SSX7: variants seen among roughly 807,000 people sequenced by gnomAD.
SSX7 encodes the protein protein SSX7.
A neutral mutation model predicts 14.7 loss-of-function variants in SSX7; 15 were observed. That is an observed-to-expected ratio of 1.02 (90% CI 0.68 to 1.58). SSX7 has a LOEUF of 1.58. Among genes scored for constraint, SSX7 ranks in the 40% most tolerant of loss-of-function variants. SSX7 has a pLI of 0.00. For missense variants in SSX7, 178 were observed against 146.8 expected (o/e 1.21, Z -1.10); for synonymous variants, 46 against 50.6 (o/e 0.91, Z 0.38).
rs376405141 is a variant in SSX7 at position 52,648,467 on chromosome X, G to A, written c.331-71C>T. 1.6e-4 allele frequency: 186 copies of A among 1,163,110 alleles called. 1 individual carries two copies. The African/African-American group carries it at 2.0e-3, about 12-fold the overall frequency. On this transcript the variant is annotated intron_variant, in intron 5 of 7. Transcript: ENST00000298181. The stretch of plus-strand genomic sequence containing the variant: ...TATAGTGCTTTAGAGCTTACAAAGC[G>A]TCTTCACATGCATTACCTTAATCAA...
intron 7 of SSX7, among the ~76,000 whole-genome samples, chrX:52,644,907 T>C (rs5986031): frequency 0.021 from 2,327 of 111,175 alleles, 30 homozygotes; most frequent in Middle Eastern, 0.092. Context: ...ACAGGGCTGA[T>C]CTGGAGTTCG....
chrX:52,651,549 TAG>T (rs1431553939), intron 4 of SSX7, among the ~76,000 whole-genome samples: 2 of 111,633 alleles, frequency 1.8e-5, no homozygotes, highest in African/African-American at 6.5e-5. Context: ...ACAGCTATGC[TAG>T]GTTTGATTTA....
intron 5 of SSX7, among the ~76,000 whole-genome samples, chrX:52,648,983 T>C (rs782748593): frequency 4.5e-5 from 5 of 111,852 alleles, no homozygotes; most frequent in South Asian, 3.8e-4. Context: ...CCCATACCAA[T>C]TCTGGTTGCA....
At chrX:52,648,154 C>T in intron 6 of SSX7, 107 bp downstream of exon 6, 2 of 1,088,455 alleles carry the variant, frequency 1.8e-6, no homozygotes, top group African/African-American at 3.7e-5. Flanking sequence ...GCTCCTCAGC[C>T]CAGCCTGGAC....
intron 1 of SSX7, 62 bp from the exon 2 acceptor site, chrX:52,653,554 A>G: frequency 8.5e-7 from 1 of 1,179,700 alleles, no homozygotes. Context: ...GGAGGGAGAA[A>G]TCAGTGAAGG....
chrX:52,652,410 A>G, intron 3 of SSX7, 63 bp from the exon 4 acceptor site: 1 of 845,309 alleles, frequency 1.2e-6, no homozygotes, highest in Middle Eastern at 2.8e-4. Flanking sequence ...GGTGGCTCAT[A>G]TCTGTAGTAC....
chrX:52,652,382 C>G lies in SSX7; in HGVS notation c.185-35G>C, dbSNP rs1556767147. ...AGCAAAATGTTTATTCCTTAAGAGA[C>G]AAGCTTTGACCTGTCACGGTGGCTC... is the stretch of plus-strand genomic sequence containing the variant. On this transcript the variant is annotated intron_variant, in intron 3 of 7. Transcript: ENST00000298181. 2.9e-6 allele frequency: 3 copies of G among 1,041,975 alleles called. No homozygotes were observed. In the Admixed American group the frequency reaches 6.6e-5, roughly 23 times the overall value. 85.9% of individuals were successfully genotyped at this position (1,041,975 alleles called of 1,213,427 possible).
At position 52,645,602 on chromosome X, in the gene SSX7, G is replaced by C. The variant is rs1925219459; in HGVS notation, c.467-59C>G. On this transcript the variant is annotated intron_variant, in intron 6 of 7. Coordinates refer to ENST00000298181, the MANE Select transcript of SSX7 (RefSeq NM_173358.2). ...GGTAGGTTGGAGAGTGTTAGGCTCTGTTTTCTCAAAAAAAGGAGATGCCTC... is the reference window on the plus strand; with the variant it reads ...GGTAGGTTGGAGAGTGTTAGGCTCTCTTTTCTCAAAAAAAGGAGATGCCTC... 4 of 1,012,777 alleles carry C rather than the reference G, an allele frequency of 3.9e-6. No individual in the cohort carries two copies. In the East Asian group the frequency reaches 1.2e-4, roughly 31 times the overall value. The allele number at this position is 1,012,777 out of a possible 1,213,427, so 83.5% of individuals were successfully genotyped here. A position where few individuals can be genotyped will look rare whatever the true frequency, so the allele number is the denominator to read the frequency against.
chrX:52,652,395 G>A (rs374368737), intron 3 of SSX7, 48 bp from the exon 4 acceptor site: 2 of 964,926 alleles, frequency 2.1e-6, no homozygotes, highest in Non-Finnish European at 3.0e-6. Context: ...GCTTTGACCT[G>A]TCACGGTGGC....
Position 52,644,178 on chromosome X carries a change from G to A in SSX7, c.*497C>T, listed in dbSNP as rs1925161655. 1 of 123,312 alleles carries A rather than the reference G, an allele frequency of 8.1e-6. No individual in the cohort carries two copies. The highest frequency in any genetic ancestry group is 1.2e-4 in the South Asian group (1 of 8,550). The allele number at this position is 123,312 out of a possible 1,213,427, so 10.2% of individuals were successfully genotyped here. On this transcript the variant is annotated 3_prime_UTR_variant, in exon 8 of 8. Transcript: ENST00000298181. ...GCTTGACCAGGACTCATGGCAATGG[G>A]GAAAAGCATATGGGAGATGCTTATA... is the stretch of plus-strand genomic sequence containing the variant.
chrX:52,649,600 G>A (rs137986601), intron 5 of SSX7, among the ~76,000 whole-genome samples: 4 of 111,660 alleles, frequency 3.6e-5, no homozygotes, highest in Non-Finnish European at 7.5e-5. Flanking sequence ...TGGGATGGGG[G>A]CTTCTGGGAT....
chrX:52,650,396 C>G lies in SSX7; in HGVS notation c.287G>C (p.Arg96Pro). ...NDRNQGNQVE[R>P]PQMTFCRLQR... is the part of the protein sequence containing the mutation. ...GAGCCTGCAAAAAGTCATCTGAGGA[C>G]GTTCAACTGAAAGAGAATATATCAG... is the stretch of plus-strand genomic sequence containing the variant. The change falls in exon 5 of 8, where the codon CGT becomes CCT. Residue 96 changes from arginine (R) to proline (P), a missense_variant. Physicochemically the swap from Arg to Pro is moderately radical, Grantham distance 103. Coordinates refer to ENST00000298181, the MANE Select transcript of SSX7 (RefSeq NM_173358.2). The G allele has an allele frequency of 8.3e-7, 1 of 1,209,260 alleles. No homozygotes were observed. The highest frequency in any genetic ancestry group is 1.1e-6 in the Non-Finnish European group (1 of 893,743).
At chrX:52,650,070 A>T (rs1396060239) in intron 5 of SSX7, among the ~76,000 whole-genome samples, 4 of 112,068 alleles carry the variant, frequency 3.6e-5, no homozygotes, top group Non-Finnish European at 7.5e-5. Flanking sequence ...TATTATTTGG[A>T]GATAATAATA....
chrX:52,650,036 C>T (rs782281554), intron 5 of SSX7, among the ~76,000 whole-genome samples: 10 of 112,212 alleles, frequency 8.9e-5, no homozygotes, highest in South Asian at 7.5e-4. Flanking sequence ...TTTATATGGA[C>T]GACAACCGAA....
rs782810039 is a variant in SSX7 at position 52,646,215 on chromosome X, C to T, written c.467-672G>A. Among the ~76,000 whole-genome samples, 41 of 111,483 alleles carry T rather than the reference C, an allele frequency of 3.7e-4. 1 individual carries two copies. Among genetic ancestry groups the T allele is most frequent in the East Asian group, 8.5e-4 (3 of 3,532 alleles). ...AGTAGCTGGGACTACAGGAGCATGT[C>T]ACCACGCCTGGCTAATATTTTGTAT... On this transcript the variant is annotated intron_variant, in intron 6 of 7. Transcript: ENST00000298181.
chrX:52,644,976 A>T (rs1339877296), intron 7 of SSX7, among the ~76,000 whole-genome samples: 1 of 111,294 alleles, frequency 9.0e-6, no homozygotes, highest in Non-Finnish European at 1.9e-5. Flanking sequence ...GGGAGTAAAA[A>T]GAGCTTACGA....
chrX:52,649,567 G>A (rs1252418007), intron 5 of SSX7, among the ~76,000 whole-genome samples: 2 of 111,670 alleles, frequency 1.8e-5, no homozygotes, highest in Non-Finnish European at 3.8e-5. Flanking sequence ...CTCATTCAGG[G>A]GCCTCCGAGG....
intron 3 of SSX7, 24 bp from the exon 4 acceptor site, chrX:52,652,371 T>A (rs1925463302): frequency 9.2e-7 from 1 of 1,092,283 alleles, no homozygotes; most frequent in Non-Finnish European, 1.3e-6. Flanking sequence ...AAATGTTTAT[T>A]CCTTAAGAGA....
At chrX:52,644,930 A>G (rs1468037991) in intron 7 of SSX7, among the ~76,000 whole-genome samples, 4 of 111,286 alleles carry the variant, frequency 3.6e-5, no homozygotes, top group Non-Finnish European at 7.5e-5. Flanking sequence ...AACCCACAGC[A>G]TCCTGGGTAG....
Sources: allele counts gnomAD v4.1 joint callset (sites outside exome capture counted in the v4.1 genomes callset), GRCh38; gene constraint gnomAD v4.1.1; transcripts MANE v1.5; gene names NCBI Gene and HGNC (gene_info 2026-07-23, HGNC 2026-07-21).